DNAAF5: variants seen among roughly 807,000 people sequenced by gnomAD.
The protein encoded by DNAAF5 is HEAT repeat containing 2.
Under a neutral mutation model 75.8 loss-of-function variants are expected in DNAAF5, and 64 were observed. That is an observed-to-expected ratio of 0.84 (90% CI 0.69 to 1.04). The LOEUF is 1.04. Ranked by LOEUF, DNAAF5 falls within the 50% of genes least tolerant of loss-of-function variation. The pLI, the probability that DNAAF5 is intolerant of heterozygous loss-of-function variation, is 0.00. For synonymous variants in DNAAF5, 657 were observed against 557.2 expected, an observed-to-expected ratio of 1.18 and a Z score of -2.52; for missense variants, 1,269 against 1,178.5, an observed-to-expected ratio of 1.08 and a Z score of -1.12.
intron 2 of DNAAF5, among the ~76,000 whole-genome samples, chr7:730,406 G>A (rs888200940): frequency 3.9e-5 from 6 of 152,180 alleles, no homozygotes; most frequent in Non-Finnish European, 8.8e-5. Flanking sequence ...TGTGGCCACC[G>A]GGGAAGCTGA....
At chr7:749,240 C>T (rs1261609542) in intron 4 of DNAAF5, among the ~76,000 whole-genome samples, 1 of 152,190 alleles carries the variant, frequency 6.6e-6, no homozygotes, top group Admixed American at 6.5e-5. Context: ...ATCACACTGC[C>T]AGCCGCCAGC....
chr7:727,493 G>C (rs1434427071), intron 1 of DNAAF5, 178 bp downstream of exon 1: 21 of 272,970 alleles, frequency 7.7e-5, no homozygotes, highest in African/African-American at 5.7e-4. Context: ...AAAGCACCCC[G>C]CCCGGCCCCC....
At chr7:735,336 C>T (rs1186777763) in intron 2 of DNAAF5, among the ~76,000 whole-genome samples, 1 of 148,394 alleles carries the variant, frequency 6.7e-6, no homozygotes, top group Non-Finnish European at 1.5e-5. Context: ...TGTAGCTGCT[C>T]ACGGTGTAGC....
chr7:779,610 A>G (rs1189907544), intron 11 of DNAAF5, among the ~76,000 whole-genome samples: 1 of 152,058 alleles, frequency 6.6e-6, no homozygotes, highest in African/African-American at 2.4e-5. Flanking sequence ...ATCTGGGAGC[A>G]GGAGGTGGAG....
rs142306125 is a variant in DNAAF5 at position 742,910 on chromosome 7, A to G, written c.1024+1445A>G. On this transcript the variant is annotated intron_variant, in intron 4 of 12. Coordinates refer to ENST00000297440, the MANE Select transcript of DNAAF5 (RefSeq NM_017802.4). Reference sequence around the variant, plus strand: ...AATCAATCATGTCCAGCTCAAATCAATCATTCCCAGCTCAAATCAGATGCA... The same window carrying G: ...AATCAATCATGTCCAGCTCAAATCAGTCATTCCCAGCTCAAATCAGATGCA... Among the ~76,000 whole-genome samples, 185 of 151,810 alleles carry G rather than the reference A, an allele frequency of 1.2e-3. 1 individual carries two copies. The highest frequency in any genetic ancestry group is 7.9e-3 in the South Asian group (38 of 4,822).
chr7:764,779 A>G (rs570240124), intron 8 of DNAAF5, among the ~76,000 whole-genome samples: 1 of 152,294 alleles, frequency 6.6e-6, no homozygotes, highest in Admixed American at 6.5e-5. Context: ...AAATTAGAAA[A>G]GAAAATACTG....
chr7:755,536 G>T (rs191875690), intron 5 of DNAAF5, among the ~76,000 whole-genome samples: 1 of 152,296 alleles, frequency 6.6e-6, no homozygotes, highest in Non-Finnish European at 1.5e-5. Context: ...CCATTGCAAG[G>T]TAGCCTGGCC....
rs942223896 is a variant in DNAAF5 at position 785,635 on chromosome 7, C to T, written c.2550C>T (p.Ala850=). The T allele has an allele frequency of 3.7e-6, 6 of 1,612,856 alleles. No homozygotes were observed. The highest frequency in any genetic ancestry group is 1.7e-5 in the Admixed American group (1 of 60,002). Residue 850 remains alanine, a synonymous_variant, in exon 13 of 13, where the codon GCC becomes GCT. Transcript: ENST00000297440. ...AGCAGCTCCTGCAGCATGTGCAGGC[C>T]GTGCCAGCCACACAGTGACCACGCT... is the stretch of plus-strand genomic sequence containing the variant. ...YCEQLLQHVQ[A]VPATQ
Position 729,852 on chromosome 7 carries a change from CTG to C in DNAAF5, c.780+6_780+7del, listed in dbSNP as rs1166512799. The stretch of plus-strand genomic sequence containing the variant: ...CTGTTTGATGACGTCCCGCAGGTAA[CTG>C]GTGTTTCTCCTGGACAGTCTGTTCC... On this transcript the variant is annotated splice_donor_region_variant and intron_variant, in intron 2 of 12. Coordinates refer to ENST00000297440, the MANE Select transcript of DNAAF5 (RefSeq NM_017802.4). 1 of 1,614,000 alleles carries C rather than the reference CTG, an allele frequency of 6.2e-7. No individual in the cohort carries two copies. The highest frequency in any genetic ancestry group is 1.7e-5 in the Admixed American group (1 of 60,016).
intron 12 of DNAAF5, among the ~76,000 whole-genome samples, 167 bp downstream of exon 12, chr7:780,311 T>C (rs1583524767): frequency 1.3e-5 from 2 of 152,214 alleles, no homozygotes; most frequent in Admixed American, 6.5e-5. Flanking sequence ...AGAGCGGCTG[T>C]CTTTGTGGTG....
At chr7:772,975 A>AG (rs1367327537) in intron 9 of DNAAF5, 42 of 152,116 alleles carry the variant, frequency 2.8e-4, no homozygotes, top group African/African-American at 9.9e-4. Context: ...AAAAAAAAAA[A>AG]AAAATTTAAA....
chr7:741,317 A>T, intron 3 of DNAAF5, 30 bp from the exon 4 acceptor site: 1 of 1,539,276 alleles, frequency 6.5e-7, no homozygotes, highest in Non-Finnish European at 8.9e-7. Context: ...CCCTGCCCTG[A>T]GCCACTGTTG....
rs1554255368 is a variant in DNAAF5, at chr7:770,963, C to CACAAGCTTTCGGCAGGGA, written c.1931+352_1931+353insTTCGGCAGGGAACAAGCT. The CACAAGCTTTCGGCAGGGA allele has an allele frequency of 9.6e-4, 181 of 189,244 alleles. 1 individual carries two copies. Among genetic ancestry groups the CACAAGCTTTCGGCAGGGA allele is most frequent in the Non-Finnish European group, 8.8e-5 (8 of 91,328 alleles). The allele number at this position is 189,244 out of a possible 1,614,324, so 11.7% of individuals were successfully genotyped here. A position where few individuals can be genotyped will look rare whatever the true frequency, so the allele number is the denominator to read the frequency against. On this transcript the variant is annotated intron_variant, in intron 9 of 12. Coordinates refer to ENST00000297440, the MANE Select transcript of DNAAF5 (RefSeq NM_017802.4). ...AGCTAGTCCATCCTCACTGGGTAAA[C>CACAAGCTTTCGGCAGGGA]ACAAGCTCTCGGCAGGGAATGCACA...
intron 2 of DNAAF5, among the ~76,000 whole-genome samples, chr7:737,494 G>C (rs138061963): frequency 6.6e-6 from 1 of 152,314 alleles, no homozygotes; most frequent in Non-Finnish European, 1.5e-5. Flanking sequence ...GTGTTGTTCT[G>C]TGTGCTTACT....
intron 6 of DNAAF5, among the ~76,000 whole-genome samples, chr7:758,925 A>G (rs1475553926): frequency 6.6e-6 from 1 of 152,146 alleles, no homozygotes; most frequent in East Asian, 1.9e-4. Context: ...TCAAGTGATC[A>G]GCCCACCTCG....
intron 11 of DNAAF5, 89 bp from the exon 12 acceptor site, chr7:779,864 A>G: frequency 1.8e-6 from 2 of 1,115,736 alleles, no homozygotes; most frequent in Non-Finnish European, 2.6e-6. Context: ...CAGGTGTCCC[A>G]TGGGAGTATG....
At chr7:770,381 G>A in intron 8 of DNAAF5, 90 bp from the exon 9 acceptor site, 2 of 1,263,190 alleles carry the variant, frequency 1.6e-6, no homozygotes, top group Non-Finnish European at 2.2e-6. Flanking sequence ...CCTCTCCCAG[G>A]TGGGAGCGCC....
chr7:735,069 A>G (rs1367960672), intron 2 of DNAAF5, among the ~76,000 whole-genome samples: 2 of 137,614 alleles, frequency 1.5e-5, no homozygotes, highest in African/African-American at 5.6e-5. Context: ...CGTTGCTCAT[A>G]TTGTAGTTGC....
At chr7:757,243 C>T (rs1167511209) in intron 6 of DNAAF5, among the ~76,000 whole-genome samples, 1 of 152,242 alleles carries the variant, frequency 6.6e-6, no homozygotes, top group African/African-American at 2.4e-5. Flanking sequence ...AGAGCTCCAG[C>T]CCCAGCCCCA....
Sources: allele counts gnomAD v4.1 joint callset (sites outside exome capture counted in the v4.1 genomes callset), GRCh38; gene constraint gnomAD v4.1.1; transcripts MANE v1.5; gene names NCBI Gene and HGNC (gene_info 2026-07-23, HGNC 2026-07-21).